Variants in CALN1 observed in about 807,000 individuals in gnomAD.
The protein encoded by CALN1 is calneuron 1.
A neutral mutation model predicts 30.6 loss-of-function variants in CALN1; 17 were observed. The ratio of observed to expected loss-of-function variants is 0.56; its 90% CI spans 0.38 to 0.83. The LOEUF (loss-of-function observed/expected upper bound fraction) is 0.83. Ranked by LOEUF, CALN1 falls within the 40% of genes least tolerant of loss-of-function variation. CALN1 has a pLI of 0.00. For synonymous variants in CALN1, 156 were observed against 131.4 expected (o/e 1.19, Z -1.28); for missense variants, 291 against 354.9 (o/e 0.82, Z 1.45).
chr7:72,340,228 A>C (rs887073647), intron 2 of CALN1, among the ~76,000 whole-genome samples: 7 of 152,108 alleles, frequency 4.6e-5, no homozygotes, highest in African/African-American at 1.4e-4. Flanking sequence ...CAAATCAGAA[A>C]ATCTTTGAAC....
intron 3 of CALN1, among the ~76,000 whole-genome samples, chr7:72,165,281 A>G (rs1364236656): frequency 6.6e-6 from 1 of 152,302 alleles, no homozygotes; most frequent in Admixed American, 6.5e-5. Flanking sequence ...AGTGGCGGCC[A>G]GGCATGGTGA....
Position 72,338,525 on chromosome 7 carries a change from G to GTGTGTGTC in CALN1, c.120-59716_120-59715insGACACACA. ...TGTGTGTGTGTGTGTGTGTGTGTGT[G>GTGTGTGTC]TGTCTCACCTGGGTGTGGTTTCAGA... On this transcript the variant is annotated intron_variant, in intron 2 of 6. Coordinates refer to ENST00000395275, the MANE Select transcript of CALN1 (RefSeq NM_031468.4). Among the ~76,000 whole-genome samples the GTGTGTGTC allele has an allele frequency of 9.3e-4, 114 of 122,376 alleles. 1 individual carries two copies. The highest frequency in any genetic ancestry group is 2.7e-3 in the African/African-American group (86 of 32,092). The allele number at this position is 122,376 out of a possible 152,430, so 80.3% of individuals were successfully genotyped here.
rs537731824 is a variant in CALN1 at position 72,252,021 on chromosome 7, G to A, written c.244+26665C>T. 3.3e-5 allele frequency among the ~76,000 whole-genome samples: 5 copies of A among 152,238 alleles called. No individual in the cohort carries two copies. In the East Asian group the frequency reaches 9.7e-4, roughly 29 times the overall value. On this transcript the variant is annotated intron_variant, in intron 3 of 6. Coordinates refer to ENST00000395275, the MANE Select transcript of CALN1 (RefSeq NM_031468.4). ...CCCAATTCTGCAGCACACCACACAA[G>A]ATATTTTACTTATGTAAATCTTAAT...
intron 5 of CALN1, among the ~76,000 whole-genome samples, chr7:71,928,889 AAG>A (rs1260624629): frequency 6.6e-6 from 1 of 152,004 alleles, no homozygotes; most frequent in Non-Finnish European, 1.5e-5. Context: ...ACAAAAAAAA[AAG>A]AAATATTCTT....
chr7:72,144,184 T>C (rs868023039), intron 3 of CALN1, among the ~76,000 whole-genome samples: 16 of 152,126 alleles, frequency 1.1e-4, no homozygotes, highest in South Asian at 8.3e-4. Context: ...GACTGGCAAA[T>C]TGGATAAAGA....
chr7:72,250,510 A>C (rs1210087157), intron 3 of CALN1, among the ~76,000 whole-genome samples: 7 of 152,128 alleles, frequency 4.6e-5, no homozygotes, highest in Non-Finnish European at 7.4e-5. Context: ...GGGCCATCTG[A>C]CATATAGTTC....
At chr7:71,844,212 TG>T (rs1790107608) in intron 5 of CALN1, among the ~76,000 whole-genome samples, 1 of 152,288 alleles carries the variant, frequency 6.6e-6, no homozygotes, top group Admixed American at 6.5e-5. Flanking sequence ...TTTATGATGG[TG>T]ATCTATGTCA....
chr7:72,312,129 CG>C (rs936482901), intron 2 of CALN1, among the ~76,000 whole-genome samples: 1 of 152,050 alleles, frequency 6.6e-6, no homozygotes, highest in Non-Finnish European at 1.5e-5. Context: ...CCAGGCTGGG[CG>C]CAGTGGCTCA....
At chr7:72,343,933 G>A (rs548962987) in intron 2 of CALN1, among the ~76,000 whole-genome samples, 2 of 152,292 alleles carry the variant, frequency 1.3e-5, no homozygotes, top group Admixed American at 1.3e-4. Flanking sequence ...ACATATTTAA[G>A]GGGATGCCCA....
chr7:72,261,437 T>C (rs1796266320), intron 3 of CALN1, among the ~76,000 whole-genome samples: 1 of 151,738 alleles, frequency 6.6e-6, no homozygotes, highest in Admixed American at 6.6e-5. Flanking sequence ...CTTTTTTTTT[T>C]TCTTAGAGTA....
intron 4 of CALN1, among the ~76,000 whole-genome samples, chr7:72,091,826 AG>A (rs1345127894): frequency 2.0e-5 from 3 of 152,224 alleles, no homozygotes; most frequent in Non-Finnish European, 4.4e-5. Context: ...ATATTTTAAC[AG>A]GAGAAATGTA....
In CALN1 at chr7:72,181,100, C is replaced by T. The variant is rs5012409; in HGVS notation, c.245-74806G>A. ...GCAACAGAGCGAAACTGCATAACCCCCCCCCCCCCCAAAAAAAAAAAAAAT... is the reference window on the plus strand; with the variant it reads ...GCAACAGAGCGAAACTGCATAACCCTCCCCCCCCCCAAAAAAAAAAAAAAT... On this transcript the variant is annotated intron_variant, in intron 3 of 6. Coordinates refer to ENST00000395275, the MANE Select transcript of CALN1 (RefSeq NM_031468.4). Among the ~76,000 whole-genome samples the T allele has an allele frequency of 1.1e-3, 100 of 89,068 alleles. 4 individuals carry two copies. Among genetic ancestry groups the T allele is most frequent in the East Asian group, 0.01 (4 of 400 alleles). 58.4% of individuals were successfully genotyped at this position (89,068 alleles called of 152,430 possible). A position where few individuals can be genotyped will look rare whatever the true frequency, so the allele number is the denominator to read the frequency against.
chr7:71,905,772 A>T (rs541732936), intron 5 of CALN1, among the ~76,000 whole-genome samples: 1 of 152,286 alleles, frequency 6.6e-6, no homozygotes, highest in African/African-American at 2.4e-5. Context: ...TCTAGGGTTT[A>T]ACACTGTGAA....
intron 5 of CALN1, among the ~76,000 whole-genome samples, chr7:71,959,187 G>C (rs899609515): frequency 1.3e-5 from 2 of 152,182 alleles, no homozygotes; most frequent in Admixed American, 1.3e-4. Flanking sequence ...GCAGTGATGA[G>C]TCAGGTCTCA....
intron 3 of CALN1, among the ~76,000 whole-genome samples, chr7:72,250,508 T>C (rs1486274559): frequency 6.6e-6 from 1 of 152,204 alleles, no homozygotes; most frequent in Non-Finnish European, 1.5e-5. Flanking sequence ...GGGGGCCATC[T>C]GACATATAGT....
At chr7:72,380,712 G>GATAA (rs1490525099) in intron 2 of CALN1, among the ~76,000 whole-genome samples, 1 of 148,078 alleles carries the variant, frequency 6.8e-6, no homozygotes, top group Admixed American at 6.8e-5. Flanking sequence ...AGATTAGATA[G>GATAA]ATAGATAGAT....
intron 5 of CALN1, among the ~76,000 whole-genome samples, chr7:71,928,907 T>C (rs1195465845): frequency 1.3e-5 from 2 of 151,900 alleles, no homozygotes; most frequent in Admixed American, 1.3e-4. Flanking sequence ...TTCTTGATTT[T>C]CACCTACCCC....
intron 3 of CALN1, among the ~76,000 whole-genome samples, chr7:72,254,013 T>G (rs1401267869): frequency 3.3e-5 from 5 of 152,128 alleles, no homozygotes; most frequent in Non-Finnish European, 2.9e-5. Context: ...AGTGCTGAGA[T>G]TACAGGCATG....
intron 4 of CALN1, among the ~76,000 whole-genome samples, chr7:72,060,951 C>A (rs569885175): frequency 6.6e-6 from 1 of 152,264 alleles, no homozygotes; most frequent in East Asian, 1.9e-4. Context: ...TTCTCCATAC[C>A]AAGGCAAACT....
Sources: gnomAD v4.1 joint callset for allele counts (sites outside exome capture counted in the v4.1 genomes callset) on GRCh38, gnomAD v4.1.1 for gene constraint, MANE v1.5 for transcripts, NCBI Gene and HGNC (gene_info 2026-07-23, HGNC 2026-07-21) for gene names.